The following LDHA variants were observed in gnomAD, a reference collection of about 807,000 sequenced individuals.
LDHA encodes the protein lactate dehydrogenase A, also known as L-lactate dehydrogenase A chain.
LDHA carries 10 observed loss-of-function variants against 36.3 expected under a neutral mutation model. That is an observed-to-expected ratio of 0.28 (90% confidence interval 0.17 to 0.47). The LOEUF (loss-of-function observed/expected upper bound fraction) is 0.47. LDHA is among the 20% of genes least tolerant of loss of function. The pLI is 0.99. For synonymous variants in LDHA, 110 were observed against 136.7 expected (o/e 0.80, Z 1.36); for missense variants, 267 against 405.8 (o/e 0.66, Z 2.94).
intron 1 of LDHA, chr11:18,394,871 C>A (rs1488807235): frequency 5.7e-6 from 2 of 353,108 alleles, no homozygotes; most frequent in African/African-American, 4.3e-5. Flanking sequence ...TCTGGCCACG[C>A]TGGGGAACCG....
rs781443075 is a variant in LDHA at position 18,408,421 on chromosome 11, C to G, written c.*1140C>G. The G allele has an allele frequency of 6.0e-6, 2 of 332,434 alleles. No individual in the cohort carries two copies. Among genetic ancestry groups the G allele is most frequent in the Non-Finnish European group, 1.2e-5 (2 of 170,406 alleles). 20.6% of individuals were successfully genotyped at this position (332,434 alleles called of 1,614,324 possible). ...ATTTTTCTGAAAATACAACTGTGAC[C>G]CTTATCCAGGCCTGAAAACCATACT... On this transcript the variant is annotated 3_prime_UTR_variant, in exon 8 of 8. Transcript: ENST00000422447.
rs1340575123 is a variant in LDHA at position 18,400,858 on chromosome 11, C to A, written c.266C>A (p.Ser89Tyr). 1 of 1,613,430 alleles carries A rather than the reference C, an allele frequency of 6.2e-7. No individual in the cohort carries two copies. The highest frequency in any genetic ancestry group is 8.5e-7 in the Non-Finnish European group (1 of 1,179,676). Residue 89 changes from serine (S) to tyrosine (Y), a missense_variant, in exon 4 of 8, where the codon TCC becomes TAC. Physicochemically the swap from Ser to Tyr is moderately radical, Grantham distance 144 (BLOSUM62 -2). Coordinates refer to ENST00000422447, the MANE Select transcript of LDHA (RefSeq NM_005566.4). Reference sequence around the variant, plus strand: ...CTAGACTATAATGTAACTGCAAACTCCAAGCTGGTCATTATCACGGCTGGG... The same window carrying A: ...CTAGACTATAATGTAACTGCAAACTACAAGCTGGTCATTATCACGGCTGGG... ...SGKDYNVTAN[S>Y]KLVIITAGAR...
chr11:18,397,516 A>C (rs1866343890), intron 2 of LDHA: 2 of 152,320 alleles, frequency 1.3e-5, no homozygotes. Context: ...AGCTTACAAC[A>C]TTAAAATGTC....
intron 1 of LDHA, among the ~76,000 whole-genome samples, chr11:18,396,059 C>A (rs1866282734): frequency 6.6e-6 from 1 of 152,262 alleles, no homozygotes; most frequent in African/African-American, 2.4e-5. Flanking sequence ...GGTCTGAAGT[C>A]TGAATCCCAG....
Position 18,397,759 on chromosome 11 carries a change from C to G in LDHA, c.126+791C>G, listed in dbSNP as rs111585790. Among the ~76,000 whole-genome samples the G allele has an allele frequency of 4.6e-5, 7 of 151,930 alleles. 2 individuals carry two copies. Among genetic ancestry groups the G allele is most frequent in the African/African-American group, 1.4e-4 (6 of 41,438 alleles). ...CCAGGAGGTGGAGGTGGCAGTGACCCGAGATAGCACCACTCCACTCCAGCC... is the reference window on the plus strand; with the variant it reads ...CCAGGAGGTGGAGGTGGCAGTGACCGGAGATAGCACCACTCCACTCCAGCC... On this transcript the variant is annotated intron_variant, in intron 2 of 7. Transcript: ENST00000422447.
At chr11:18,406,231 TG>T (rs1316279395) in intron 7 of LDHA, among the ~76,000 whole-genome samples, 5 of 152,018 alleles carry the variant, frequency 3.3e-5, no homozygotes, top group Non-Finnish European at 5.9e-5. Context: ...CCCCGAATGC[TG>T]GGATTGCAGG....
chr11:18,397,181 G>A lies in LDHA; in HGVS notation c.126+213G>A, dbSNP rs80339187. The A allele has an allele frequency of 2.0e-3, 982 of 480,722 alleles. 12 individuals carry two copies. Among genetic ancestry groups the A allele is most frequent in the African/African-American group, 0.017 (869 of 51,448 alleles). The allele number at this position is 480,722 out of a possible 1,614,324, so 29.8% of individuals were successfully genotyped here. ...AAGAATCAAAGGTTGTCAGGCTGGA[G>A]ACCCAGTTCCTAAAATTCATTATTC... On this transcript the variant is annotated intron_variant, in intron 2 of 7. Coordinates refer to ENST00000422447, the MANE Select transcript of LDHA (RefSeq NM_005566.4).
intron 1 of LDHA, among the ~76,000 whole-genome samples, chr11:18,396,007 C>A (rs554478784): frequency 3.8e-4 from 58 of 152,374 alleles, no homozygotes; most frequent in South Asian, 1.2e-3. Flanking sequence ...AGGCTGCCAG[C>A]TAGGCTTCAC....
At position 18,407,358 on chromosome 11, in the gene LDHA, T is replaced by G. The variant is rs779623625; in HGVS notation, c.*77T>G. 6.2e-7 allele frequency: 1 copy of G among 1,610,558 alleles called. No homozygotes were observed. Among genetic ancestry groups the G allele is most frequent in the East Asian group, 2.2e-5 (1 of 44,828 alleles). On this transcript the variant is annotated 3_prime_UTR_variant, in exon 8 of 8. Transcript: ENST00000422447. ...GTGGAGGTTGTGCATGTTGTCCTTTTTATCTGATCTGTGATTAAAGCAGTA... is the reference window on the plus strand; with the variant it reads ...GTGGAGGTTGTGCATGTTGTCCTTTGTATCTGATCTGTGATTAAAGCAGTA...
At chr11:18,402,061 A>G (rs11024642) in intron 4 of LDHA, among the ~76,000 whole-genome samples, 20,279 of 146,986 alleles carry the variant, frequency 0.14, 1,788 homozygotes, top group African/African-American at 0.25. Flanking sequence ...GGTTCAAGCA[A>G]TTCTCCTGCC....
chr11:18,402,836 A>T lies in LDHA; in HGVS notation c.419-4A>T. The T allele has an allele frequency of 6.2e-7, 1 of 1,608,888 alleles. No homozygotes were observed. Among genetic ancestry groups the T allele is most frequent in the Non-Finnish European group, 8.5e-7 (1 of 1,175,482 alleles). On this transcript the variant is annotated splice_region_variant and splice_polypyrimidine_tract_variant and intron_variant, in intron 4 of 7. Coordinates refer to ENST00000422447, the MANE Select transcript of LDHA (RefSeq NM_005566.4). Reference sequence around the variant, plus strand: ...GGTGATTTTTATTTTCTCCTTTTTCATAGTGGATATCTTGACCTACGTGGC... The same window carrying T: ...GGTGATTTTTATTTTCTCCTTTTTCTTAGTGGATATCTTGACCTACGTGGC...
intron 1 of LDHA, among the ~76,000 whole-genome samples, chr11:18,395,767 G>A (rs1297904713): frequency 6.6e-6 from 1 of 152,220 alleles, no homozygotes; most frequent in African/African-American, 2.4e-5. Context: ...GAAAGAATTC[G>A]AGGGTTCCAC....
At chr11:18,402,198 A>G (rs932851947) in intron 4 of LDHA, among the ~76,000 whole-genome samples, 3 of 146,134 alleles carry the variant, frequency 2.1e-5, no homozygotes, top group Admixed American at 1.4e-4. Context: ...CAGGTGATCC[A>G]TCTGCCTCAG....
intron 2 of LDHA, 75 bp downstream of exon 2, chr11:18,397,043 GTAT>G (rs1347791396): frequency 4.7e-6 from 6 of 1,284,766 alleles, no homozygotes; most frequent in Admixed American, 1.8e-5. Flanking sequence ...CCCTAGAACT[GTAT>G]TATTACATTT....
At chr11:18,397,937 G>A (rs988461489) in intron 2 of LDHA, among the ~76,000 whole-genome samples, 2 of 152,264 alleles carry the variant, frequency 1.3e-5, no homozygotes, top group South Asian at 4.1e-4. Context: ...AAAAGGCCTC[G>A]TAACAACACA....
chr11:18,401,060 GTATATGATA>G, intron 4 of LDHA, 50 bp downstream of exon 4: 1 of 978,302 alleles, frequency 1.0e-6, no homozygotes, highest in Non-Finnish European at 1.6e-6. Context: ...AAAACTGATA[GTATATGATA>G]TATATATTAT....
At chr11:18,401,962 T>TTTTTTTA (rs1866524807) in intron 4 of LDHA, among the ~76,000 whole-genome samples, 1 of 122,776 alleles carries the variant, frequency 8.1e-6, no homozygotes, top group Non-Finnish European at 1.8e-5. Context: ...TCTCTTTTTT[T>TTTTTTTA]TTTTTTTTTT....
chr11:18,394,957 G>A (rs1866240706), intron 1 of LDHA: 1 of 291,366 alleles, frequency 3.4e-6, no homozygotes, highest in African/African-American at 2.2e-5. Context: ...CCTTAAGGGT[G>A]GGGGATACCT....
At position 18,402,251 on chromosome 11, in the gene LDHA, G is replaced by A. The variant is rs147553361; in HGVS notation, c.419-589G>A. Among the ~76,000 whole-genome samples the A allele has an allele frequency of 5.1e-4, 76 of 150,412 alleles. No individual in the cohort carries two copies. In the East Asian group the frequency reaches 9.1e-3, roughly 18 times the overall value. On this transcript the variant is annotated intron_variant, in intron 4 of 7. Transcript: ENST00000422447. ...ATTACAGGCGTGAGCCACCGTGCCC[G>A]GGCCCATAATTGTCTCTTAGTTGAT...
Sources: gnomAD v4.1 joint callset for allele counts (sites outside exome capture counted in the v4.1 genomes callset) on GRCh38, gnomAD v4.1.1 for gene constraint, MANE v1.5 for transcripts, NCBI Gene and HGNC (gene_info 2026-07-23, HGNC 2026-07-21) for gene names.